CAMK4: variants seen among roughly 807,000 people sequenced by gnomAD.
CAMK4 encodes the protein calcium/calmodulin-dependent protein kinase type IV.
CAMK4 carries 22 observed loss-of-function variants against 44.9 expected under a neutral mutation model. That is an observed-to-expected ratio of 0.49 (90% CI 0.35 to 0.70). The LOEUF is 0.70. CAMK4 is among the 30% of genes least tolerant of loss of function. The pLI is 0.01. For missense variants in CAMK4, 498 were observed against 586.8 expected (o/e 0.85, Z 1.56); for synonymous variants, 218 against 215.4 (o/e 1.01, Z -0.11).
intron 1 of CAMK4, among the ~76,000 whole-genome samples, chr5:111,252,962 T>C (rs1299375678): frequency 6.6e-6 from 1 of 152,196 alleles, no homozygotes; most frequent in Non-Finnish European, 1.5e-5. Flanking sequence ...GCATGGACAA[T>C]GCAGAAAGAG....
chr5:111,268,935 A>T (rs1043830587), intron 1 of CAMK4, among the ~76,000 whole-genome samples: 1 of 152,232 alleles, frequency 6.6e-6, no homozygotes, highest in Non-Finnish European at 1.5e-5. Context: ...ATATCAATTT[A>T]AGAAAGGATG....
chr5:111,334,530 C>T (rs972327507), intron 1 of CAMK4, among the ~76,000 whole-genome samples: 2 of 151,406 alleles, frequency 1.3e-5, no homozygotes, highest in Non-Finnish European at 3.0e-5. Context: ...CACTTTCACC[C>T]CTAAGAAGAA....
At chr5:111,223,941 G>C (rs1377658969), upstream of CAMK4, 1 of 153,568 alleles carries the variant, frequency 6.5e-6, no homozygotes, top group Non-Finnish European at 1.4e-5. The surrounding 1 kb of genome is among the most constrained non-coding windows in gnomAD (Gnocchi z 4.3). Flanking sequence ...TCGCTATCCG[G>C]CGGGGCCGCC....
intron 1 of CAMK4, among the ~76,000 whole-genome samples, chr5:111,255,861 A>G (rs1749719077): frequency 6.6e-6 from 1 of 152,106 alleles, no homozygotes; most frequent in South Asian, 2.1e-4. Context: ...CTCCCAGTGT[A>G]TTTTTGGATA....
chr5:111,416,874 T>C (rs1337811294), intron 5 of CAMK4, among the ~76,000 whole-genome samples: 1 of 152,180 alleles, frequency 6.6e-6, no homozygotes, highest in Non-Finnish European at 1.5e-5. Context: ...TTAATATTAT[T>C]CAAATTTAGA....
In CAMK4 at chr5:111,486,541, A is replaced by ACACACACACACACACACACT; in HGVS notation, c.*2076_*2077insACACACACACACACACACTC. 7.4e-6 allele frequency: 1 copy of ACACACACACACACACACACT among 135,610 alleles called. No individual in the cohort carries two copies. The highest frequency in any genetic ancestry group is 2.3e-4 in the South Asian group (1 of 4,372). 8.4% of individuals were successfully genotyped at this position (135,610 alleles called of 1,614,324 possible). A position where few individuals can be genotyped will look rare whatever the true frequency, so the allele number is the denominator to read the frequency against. On this transcript the variant is annotated 3_prime_UTR_variant, in exon 11 of 11. Coordinates refer to ENST00000282356, the MANE Select transcript of CAMK4 (RefSeq NM_001744.6). The stretch of plus-strand genomic sequence containing the variant: ...CACACACACACACACACACACACAC[A>ACACACACACACACACACACT]CGTGTTGGAAGAGCAAAGAGAGGGA...
In CAMK4 at chr5:111,326,886, C is replaced by T. The variant is rs1748914486; in HGVS notation, c.162-17138C>T. The stretch of plus-strand genomic sequence containing the variant: ...AGGGTTGTGCATGGACCAATGGCAA[C>T]AGTGTGTCATGAAACAGGGTGATGA... On this transcript the variant is annotated intron_variant, in intron 1 of 10. Transcript: ENST00000282356. Among the ~76,000 whole-genome samples the T allele has an allele frequency of 2.0e-5, 3 of 151,900 alleles. No homozygotes were observed. The South Asian group carries it at 6.2e-4, about 32-fold the overall frequency.
intron 1 of CAMK4, among the ~76,000 whole-genome samples, chr5:111,280,356 C>G (rs1161809380): frequency 6.6e-6 from 1 of 152,126 alleles, no homozygotes; most frequent in African/African-American, 2.4e-5. Context: ...AGAAGGCAGA[C>G]AAAAATGCAA....
At chr5:111,436,230 T>C (rs1753640457) in intron 5 of CAMK4, among the ~76,000 whole-genome samples, 1 of 152,218 alleles carries the variant, frequency 6.6e-6, no homozygotes, top group South Asian at 2.1e-4. Context: ...TAGTTTATCT[T>C]AGAAATACGT....
At position 111,488,929 on chromosome 5, in the gene CAMK4, C is replaced by T. The variant is rs190014652; in HGVS notation, c.*4463C>T. On this transcript the variant is annotated 3_prime_UTR_variant, in exon 11 of 11. Transcript: ENST00000282356. ...TGGTGCAAAATTTCCAGATAGTAAC[C>T]TATGTAAAAGGATTTGTAATTTCCT... 6.6e-6 allele frequency: 1 copy of T among 152,214 alleles called. No individual in the cohort carries two copies. The highest frequency in any genetic ancestry group is 1.9e-4 in the East Asian group (1 of 5,190). 9.4% of individuals were successfully genotyped at this position (152,214 alleles called of 1,614,324 possible).
At chr5:111,425,843 C>G (rs533500685) in intron 5 of CAMK4, among the ~76,000 whole-genome samples, 45 of 152,162 alleles carry the variant, frequency 3.0e-4, no homozygotes, top group African/African-American at 1.0e-3. Context: ...ACCATATCAC[C>G]TCAGGAATTT....
chr5:111,352,289 C>T (rs923404454), intron 2 of CAMK4, among the ~76,000 whole-genome samples: 3 of 151,992 alleles, frequency 2.0e-5, no homozygotes, highest in Non-Finnish European at 2.9e-5. Context: ...TATAATGTGT[C>T]AGAGACTGGT....
chr5:111,407,325 T>C (rs1040188351), intron 5 of CAMK4, among the ~76,000 whole-genome samples: 34 of 146,496 alleles, frequency 2.3e-4, no homozygotes, highest in African/African-American at 8.4e-4. Flanking sequence ...CACTCTAGCC[T>C]GGGTGACAGA....
At chr5:111,270,437 C>G (rs191298627) in intron 1 of CAMK4, among the ~76,000 whole-genome samples, 109 of 152,286 alleles carry the variant, frequency 7.2e-4, no homozygotes, top group Non-Finnish European at 4.7e-4. Context: ...CTTCAACTCC[C>G]TTGTCCCTGG....
chr5:111,431,334 A>G (rs1030229186), intron 5 of CAMK4, among the ~76,000 whole-genome samples: 4 of 152,154 alleles, frequency 2.6e-5, no homozygotes, highest in Non-Finnish European at 4.4e-5. Flanking sequence ...CTAGACCCCT[A>G]TGTCTTGCTG....
chr5:111,273,404 G>A (rs1750598052), intron 1 of CAMK4, among the ~76,000 whole-genome samples: 1 of 151,600 alleles, frequency 6.6e-6, no homozygotes, highest in Non-Finnish European at 1.5e-5. Flanking sequence ...TATGCAGATT[G>A]TAAGATTCCA....
At chr5:111,248,422 G>A (rs926799827) in intron 1 of CAMK4, among the ~76,000 whole-genome samples, 2 of 151,876 alleles carry the variant, frequency 1.3e-5, no homozygotes, top group Non-Finnish European at 2.9e-5. Context: ...TATGTCCTGG[G>A]CATGATAAGC....
At chr5:111,252,436 A>G (rs1366176) in intron 1 of CAMK4, among the ~76,000 whole-genome samples, 2,177 of 152,270 alleles carry the variant, frequency 0.014, 51 homozygotes, top group African/African-American at 0.05. Flanking sequence ...TTATGATATG[A>G]CCAGCATTTT....
chr5:111,365,451 TAAG>T (rs1053458719), intron 2 of CAMK4, among the ~76,000 whole-genome samples: 2 of 152,074 alleles, frequency 1.3e-5, no homozygotes, highest in African/African-American at 4.8e-5. Flanking sequence ...TTGAAGTTGT[TAAG>T]AATGATTATG....
Sources: gnomAD v4.1 joint callset for allele counts (sites outside exome capture counted in the v4.1 genomes callset) on GRCh38, gnomAD v4.1.1 for gene constraint, Gnocchi (gnomAD v3.1) non-coding constraint, MANE v1.5 for transcripts, NCBI Gene and HGNC (gene_info 2026-07-23, HGNC 2026-07-21) for gene names.